The following MALT1 variants were observed in gnomAD, a reference collection of about 807,000 sequenced individuals.
MALT1 encodes the protein MALT1 paracaspase, also known as mucosa-associated lymphoid tissue lymphoma translocation protein 1.
Under a neutral mutation model 85.5 loss-of-function variants are expected in MALT1, and 36 were observed. The ratio of observed to expected loss-of-function variants is 0.42; its 90% CI spans 0.32 to 0.56. The LOEUF is 0.56. MALT1 is among the 20% of genes least tolerant of loss of function. MALT1 has a pLI of 0.10. For synonymous variants in MALT1, 359 were observed against 361.3 expected, an observed-to-expected ratio of 0.99 and a Z score of 0.07; for missense variants, 716 against 981.6, an observed-to-expected ratio of 0.73 and a Z score of 3.62.
At chr18:58,714,178 G>A in intron 8 of MALT1, 69 bp downstream of exon 8, 1 of 743,236 alleles carries the variant, frequency 1.3e-6, no homozygotes, top group Non-Finnish European at 2.2e-6. Context: ...AGTTACCGTA[G>A]GTACTCTTTT....
rs2054317399 is a variant in MALT1, at chr18:58,681,152, T to A, written c.210-18T>A. 2 of 1,610,590 alleles carry A rather than the reference T, an allele frequency of 1.2e-6. No individual in the cohort carries two copies. The highest frequency in any genetic ancestry group is 1.7e-5 in the Admixed American group (1 of 59,320). On this transcript the variant is annotated intron_variant, in intron 1 of 16. Coordinates refer to ENST00000649217, the MANE Select transcript of MALT1 (RefSeq NM_006785.4). ...GTGGAAGAAAGCTGTTGACTTGAAT[T>A]CTTTCTGTTGCTTTCAGTTGCCTAG...
intron 9 of MALT1, among the ~76,000 whole-genome samples, chr18:58,722,542 C>T (rs1007087692): frequency 1.3e-5 from 2 of 152,054 alleles, no homozygotes; most frequent in African/African-American, 2.4e-5. Flanking sequence ...ATACAGTACC[C>T]GTGAAGTTCT....
In MALT1 at chr18:58,745,766, G is replaced by C; in HGVS notation, c.2012G>C (p.Arg671Thr). Reference sequence around the variant, plus strand: ...CTTCCCAAGCATTGCCTCTATACCAGACTCAGTTCACTGCAAAAATTAAAG... The same window carrying C: ...CTTCCCAAGCATTGCCTCTATACCACACTCAGTTCACTGCAAAAATTAAAG... Reference protein sequence around the residue: ...KDLPKHCLYTRLSSLQKLKEH... With the variant: ...KDLPKHCLYTTLSSLQKLKEH... Residue 671 changes from arginine (R) to threonine (T), a missense_variant, in exon 16 of 17, where the codon AGA (arginine) becomes ACA (threonine). By Grantham distance (71) the Arg-to-Thr change is moderately conservative. This residue lies in a region of MALT1 where 260 missense variants were observed against 323.7 expected (regional missense o/e 0.80). Transcript: ENST00000649217. The C allele has an allele frequency of 6.2e-7, 1 of 1,613,026 alleles. No individual in the cohort carries two copies. Among genetic ancestry groups the C allele is most frequent in the Non-Finnish European group, 8.5e-7 (1 of 1,179,662 alleles).
At chr18:58,675,724 C>T (rs1178713062) in intron 1 of MALT1, among the ~76,000 whole-genome samples, 1 of 152,192 alleles carries the variant, frequency 6.6e-6, no homozygotes, top group African/African-American at 2.4e-5. Flanking sequence ...CCTTCTCGCC[C>T]TCTTGGTCTT....
chr18:58,721,383 A>G (rs2054980901), intron 9 of MALT1, among the ~76,000 whole-genome samples: 1 of 152,226 alleles, frequency 6.6e-6, no homozygotes, highest in Admixed American at 6.5e-5. Flanking sequence ...TCCGTCTCAA[A>G]AAAAAGGAAA....
At chr18:58,702,657 T>C (rs1038131708) in intron 4 of MALT1, among the ~76,000 whole-genome samples, 1 of 152,218 alleles carries the variant, frequency 6.6e-6, no homozygotes, top group Non-Finnish European at 1.5e-5. Flanking sequence ...TTCAATTCTT[T>C]TCCATAATGC....
intron 1 of MALT1, among the ~76,000 whole-genome samples, chr18:58,676,287 T>G (rs1285367725): frequency 6.6e-6 from 1 of 152,142 alleles, no homozygotes; most frequent in East Asian, 1.9e-4. Flanking sequence ...TCCCAGCACT[T>G]TGGGAGGCCA....
In MALT1 at chr18:58,750,519, A is replaced by AT; in HGVS notation, c.*2677_*2678insT. Reference sequence around the variant, plus strand: ...CTACCAAGCTACAATAAGACAGTGTAGGCATATGGATAGACATATCGATCA... The same window carrying AT: ...CTACCAAGCTACAATAAGACAGTGTATGGCATATGGATAGACATATCGATCA... On this transcript the variant is annotated 3_prime_UTR_variant, in exon 17 of 17. Coordinates refer to ENST00000649217, the MANE Select transcript of MALT1 (RefSeq NM_006785.4). 1.3e-5 allele frequency: 2 copies of AT among 152,364 alleles called. No individual in the cohort carries two copies. The highest frequency in any genetic ancestry group is 3.9e-4 in the East Asian group (2 of 5,188). 9.4% of individuals were successfully genotyped at this position (152,364 alleles called of 1,614,324 possible).
At chr18:58,681,048 T>C in intron 1 of MALT1, 122 bp from the exon 2 acceptor site, 1 of 696,434 alleles carries the variant, frequency 1.4e-6, no homozygotes, top group South Asian at 2.4e-5. Context: ...ATGTGAATAG[T>C]TTGTCACCAC....
intron 13 of MALT1, among the ~76,000 whole-genome samples, chr18:58,737,568 A>G (rs1381719498): frequency 2.6e-5 from 4 of 151,862 alleles, no homozygotes; most frequent in Admixed American, 6.6e-5. Context: ...ACATGTTACC[A>G]ATTTCTTTTT....
intron 7 of MALT1, among the ~76,000 whole-genome samples, chr18:58,711,263 T>C (rs1334901538): frequency 6.6e-6 from 1 of 152,236 alleles, no homozygotes; most frequent in Admixed American, 6.5e-5. Context: ...TTAATTTTTA[T>C]CTACATAAAA....
chr18:58,701,544 T>C (rs2054672632), intron 4 of MALT1, among the ~76,000 whole-genome samples: 1 of 152,098 alleles, frequency 6.6e-6, no homozygotes, highest in East Asian at 1.9e-4. Context: ...TTCTAGTTCT[T>C]AGAACAAAGC....
intron 2 of MALT1, among the ~76,000 whole-genome samples, chr18:58,692,592 C>G (rs909256222): frequency 6.6e-6 from 1 of 151,974 alleles, no homozygotes; most frequent in African/African-American, 2.4e-5. Flanking sequence ...AGTGAAAGAA[C>G]AGTGACACAC....
At chr18:58,690,778 G>T in intron 2 of MALT1, 1 of 209,576 alleles carries the variant, frequency 4.8e-6, no homozygotes, top group Admixed American at 4.8e-5. Context: ...GGCTTACCGA[G>T]GCCAAGTTAA....
chr18:58,751,107 T>G lies in MALT1; in HGVS notation c.*3265T>G, dbSNP rs530504121. On this transcript the variant is annotated 3_prime_UTR_variant, in exon 17 of 17. Coordinates refer to ENST00000649217, the MANE Select transcript of MALT1 (RefSeq NM_006785.4). ...GTGATAGCCTTTAGCCTCATGGGGTTGTTGAGCAGTTGAAATAATAGCTAG... is the reference window on the plus strand; with the variant it reads ...GTGATAGCCTTTAGCCTCATGGGGTGGTTGAGCAGTTGAAATAATAGCTAG... 1 of 152,324 alleles carries G rather than the reference T, an allele frequency of 6.6e-6. No individual in the cohort carries two copies. Among genetic ancestry groups the G allele is most frequent in the African/African-American group, 2.4e-5 (1 of 41,568 alleles). 9.4% of individuals were successfully genotyped at this position (152,324 alleles called of 1,614,324 possible).
In MALT1 at chr18:58,751,698, A is replaced by T. The variant is rs962863777; in HGVS notation, c.*3856A>T. ...ATAATCTATCAAATCTGTCAATACC[A>T]ATTAGAATGTAATAAAGAAATTAGG... On this transcript the variant is annotated 3_prime_UTR_variant, in exon 17 of 17. Coordinates refer to ENST00000649217, the MANE Select transcript of MALT1 (RefSeq NM_006785.4). The T allele has an allele frequency of 6.6e-6, 1 of 152,210 alleles. No individual in the cohort carries two copies. The allele number at this position is 152,210 out of a possible 1,614,324, so 9.4% of individuals were successfully genotyped here. A position where few individuals can be genotyped will look rare whatever the true frequency, so the allele number is the denominator to read the frequency against.
In MALT1 at chr18:58,715,924, T is replaced by C; in HGVS notation, c.986-11T>C. ...GGATCTTACATGTTTTGCTTTTTTA[T>C]CTTTGTATAGATAATAAAGAGCAAA... On this transcript the variant is annotated splice_polypyrimidine_tract_variant and intron_variant, in intron 8 of 16. Transcript: ENST00000649217. The C allele has an allele frequency of 1.3e-6, 2 of 1,598,928 alleles. No homozygotes were observed. The highest frequency in any genetic ancestry group is 8.5e-7 in the Non-Finnish European group (1 of 1,171,712).
At position 58,723,190 on chromosome 18, in the gene MALT1, T is replaced by C. The variant is rs764092385; in HGVS notation, c.1161T>C (p.Thr387=). The part of the protein sequence containing the change: ...DFKVVSLLDL[T]EYEMRNAVDE... Reference sequence around the variant, plus strand: ...AAGTGGTTTCACTGTTGGATCTTACTGAATATGAGATGCGTAATGCTGTGG... The same window carrying C: ...AAGTGGTTTCACTGTTGGATCTTACCGAATATGAGATGCGTAATGCTGTGG... The change falls in exon 10 of 17, where the codon ACT becomes ACC. Residue 387 remains threonine, a synonymous_variant. Transcript: ENST00000649217. The C allele has an allele frequency of 4.3e-6, 7 of 1,614,108 alleles. No homozygotes were observed. Among genetic ancestry groups the C allele is most frequent in the Middle Eastern group, 1.7e-4 (1 of 6,060 alleles).
chr18:58,698,790 G>A (rs2054631027), intron 3 of MALT1, among the ~76,000 whole-genome samples: 1 of 152,032 alleles, frequency 6.6e-6, no homozygotes, highest in East Asian at 1.9e-4. Flanking sequence ...CATAATGGAT[G>A]GGTTTCTTCA....
Sources: gnomAD v4.1 joint callset for allele counts (sites outside exome capture counted in the v4.1 genomes callset) on GRCh38, gnomAD v4.1.1 for gene constraint, gnomAD v4.1.1 regional missense constraint, MANE v1.5 for transcripts, NCBI Gene and HGNC (gene_info 2026-07-23, HGNC 2026-07-21) for gene names.